The following GNAO1 variants were observed in gnomAD, a reference collection of about 807,000 sequenced individuals.
GNAO1 encodes guanine nucleotide-binding protein G(o) subunit alpha.
For missense variants in GNAO1, 166 were observed against 478.7 expected, an observed-to-expected ratio of 0.35 and a Z score of 6.10; for synonymous variants, 164 against 180.7, an observed-to-expected ratio of 0.91 and a Z score of 0.74.
chr16:56,343,725 C>A, intron 6 of GNAO1: 2 of 1,554,960 alleles, frequency 1.3e-6, no homozygotes, highest in South Asian at 2.3e-5. Context: ...GTCCCATGGG[C>A]CTCTCGCCTC....
At chr16:56,323,146 G>T (rs748837298) in intron 3 of GNAO1, among the ~76,000 whole-genome samples, 2 of 152,182 alleles carry the variant, frequency 1.3e-5, no homozygotes, top group Non-Finnish European at 2.9e-5. Context: ...CAGGAGTAAG[G>T]CTGTATGGCT....
intron 2 of GNAO1, among the ~76,000 whole-genome samples, chr16:56,274,465 G>A (rs1322657713): frequency 6.6e-6 from 1 of 152,046 alleles, no homozygotes; most frequent in Non-Finnish European, 1.5e-5. Context: ...GAAATTCAGG[G>A]TGAAGACCCG....
intron 2 of GNAO1, among the ~76,000 whole-genome samples, chr16:56,215,897 G>T (rs1175274376): frequency 1.3e-5 from 2 of 152,180 alleles, no homozygotes; most frequent in South Asian, 4.1e-4. Context: ...ACAGGTGAGA[G>T]GGAAGTGTAT....
At chr16:56,268,077 G>A (rs1183940862) in intron 2 of GNAO1, among the ~76,000 whole-genome samples, 2 of 152,188 alleles carry the variant, frequency 1.3e-5, no homozygotes, top group Admixed American at 1.3e-4. Context: ...AAAGGCCTCT[G>A]GGGGTTTTGT....
intron 2 of GNAO1, chr16:56,194,689 G>A: frequency 6.0e-6 from 1 of 166,528 alleles, no homozygotes; most frequent in Non-Finnish European, 1.3e-5. Context: ...GCGCAGGAGG[G>A]GAAGGAGGAG....
rs145301337 is a variant in GNAO1 at position 56,216,364 on chromosome 16, G to C, written c.161+23748G>C. 3.6e-3 allele frequency among the ~76,000 whole-genome samples: 552 copies of C among 152,270 alleles called. 4 individuals are homozygous for C. Among genetic ancestry groups the C allele is most frequent in the African/African-American group, 0.013 (521 of 41,530 alleles). The stretch of plus-strand genomic sequence containing the variant: ...TTCCACTGGGAGGGCCACTCAGCCG[G>C]GGGAGGTATTTGAACCCTTAAAAGT... On this transcript the variant is annotated intron_variant, in intron 2 of 8. Transcript: ENST00000262493.
intron 6 of GNAO1, chr16:56,340,974 T>G: frequency 6.2e-7 from 1 of 1,613,850 alleles, no homozygotes; most frequent in Non-Finnish European, 8.5e-7. Flanking sequence ...CCATCTGCTT[T>G]CCTGAATATA....
At chr16:56,339,087 C>CA (rs1567490537) in intron 6 of GNAO1, among the ~76,000 whole-genome samples, 1 of 152,242 alleles carries the variant, frequency 6.6e-6, no homozygotes, top group East Asian at 1.9e-4. Flanking sequence ...GATGACTTTG[C>CA]AACCTGACAG....
At chr16:56,280,202 T>C (rs1166656989) in intron 3 of GNAO1, among the ~76,000 whole-genome samples, 1 of 152,230 alleles carries the variant, frequency 6.6e-6, no homozygotes, top group African/African-American at 2.4e-5. Context: ...GCACAGCCCT[T>C]GCACATGGTG....
intron 2 of GNAO1, chr16:56,235,155 G>C: frequency 2.7e-6 from 1 of 368,042 alleles, no homozygotes. Flanking sequence ...GGCATATAAA[G>C]CTCATGCTCC....
chr16:56,235,869 G>A (rs534876322), intron 2 of GNAO1, among the ~76,000 whole-genome samples: 10 of 152,230 alleles, frequency 6.6e-5, no homozygotes, highest in Non-Finnish European at 8.8e-5. Context: ...TTGGCTCTGT[G>A]TGAAGTAGGA....
At chr16:56,199,808 A>G (rs546649999) in intron 2 of GNAO1, among the ~76,000 whole-genome samples, 1 of 152,344 alleles carries the variant, frequency 6.6e-6, no homozygotes, top group South Asian at 2.1e-4. Context: ...CTGCTGAGCC[A>G]TCTTTAGTTC....
intron 2 of GNAO1, among the ~76,000 whole-genome samples, chr16:56,206,925 C>T (rs1314962017): frequency 6.6e-6 from 1 of 152,180 alleles, no homozygotes; most frequent in Non-Finnish European, 1.5e-5. Context: ...ATGTGTGTTC[C>T]TAGTTTTCCT....
At chr16:56,289,752 G>T (rs1284105285) in intron 3 of GNAO1, among the ~76,000 whole-genome samples, 1 of 152,098 alleles carries the variant, frequency 6.6e-6, no homozygotes, top group Non-Finnish European at 1.5e-5. Flanking sequence ...CAAACATTTT[G>T]CACACATTTT....
rs1354060578 is a variant in GNAO1, at chr16:56,343,644, G to A, written c.723+6784G>A. 8.4e-6 allele frequency: 6 copies of A among 715,966 alleles called. 1 individual carries two copies. In the South Asian group the frequency reaches 9.0e-5, roughly 11 times the overall value. 44.4% of individuals were successfully genotyped at this position (715,966 alleles called of 1,614,324 possible). On this transcript the variant is annotated intron_variant, in intron 6 of 8. Transcript: ENST00000262493. ...AGGTCCCCTCCATCAGGTTTTCCCTGTGCAGTTGTCTCTGAGAGGCCCAAG... is the reference window on the plus strand; with the variant it reads ...AGGTCCCCTCCATCAGGTTTTCCCTATGCAGTTGTCTCTGAGAGGCCCAAG...
intron 2 of GNAO1, among the ~76,000 whole-genome samples, chr16:56,255,929 G>A (rs1169549869): frequency 1.3e-5 from 2 of 152,182 alleles, no homozygotes; most frequent in Non-Finnish European, 2.9e-5. Context: ...GGAAGACATT[G>A]TTTTAATATG....
At chr16:56,234,582 A>G (rs546856813) in intron 2 of GNAO1, among the ~76,000 whole-genome samples, 9 of 152,284 alleles carry the variant, frequency 5.9e-5, no homozygotes, top group African/African-American at 2.2e-4. Flanking sequence ...GAACTGTTTC[A>G]CAGCTGACCC....
At chr16:56,235,877 G>A (rs1245855224) in intron 2 of GNAO1, among the ~76,000 whole-genome samples, 1 of 152,200 alleles carries the variant, frequency 6.6e-6, no homozygotes, top group East Asian at 1.9e-4. Flanking sequence ...GTGTGAAGTA[G>A]GAAGGGAAAT....
intron 2 of GNAO1, among the ~76,000 whole-genome samples, chr16:56,263,205 G>A (rs2036919928): frequency 6.6e-6 from 1 of 152,304 alleles, no homozygotes. Context: ...AGTGGGGGAT[G>A]GTGGAGAGAG....
Sources: gnomAD v4.1 joint callset for allele counts (sites outside exome capture counted in the v4.1 genomes callset) on GRCh38, gnomAD v4.1.1 for gene constraint, MANE v1.5 for transcripts, NCBI Gene and HGNC (gene_info 2026-07-23, HGNC 2026-07-21) for gene names.